ANKRD13A: variants seen among roughly 807,000 people sequenced by gnomAD.
The protein encoded by ANKRD13A is ankyrin repeat domain 13A, also known as ankyrin repeat domain-containing protein 13A.
A neutral mutation model predicts 81.3 loss-of-function variants in ANKRD13A; 48 were observed. The observed-to-expected ratio is 0.59, with a 90% CI of 0.47 to 0.75. ANKRD13A has a LOEUF of 0.75. Among genes scored for constraint, ANKRD13A ranks in the 30% least tolerant of loss-of-function variants. The pLI, the probability that ANKRD13A is intolerant of heterozygous loss-of-function variation, is 0.00. For synonymous variants in ANKRD13A, 230 were observed against 270.1 expected, an observed-to-expected ratio of 0.85 and a Z score of 1.45; for missense variants, 612 against 734.0, an observed-to-expected ratio of 0.83 and a Z score of 1.92.
rs1593212393 is a variant in ANKRD13A, at chr12:110,018,377, G to A, written c.433G>A (p.Val145Ile). 1 of 1,613,912 alleles carries A rather than the reference G, an allele frequency of 6.2e-7. No homozygotes were observed. Among genetic ancestry groups the A allele is most frequent in the African/African-American group, 1.3e-5 (1 of 74,884 alleles). The stretch of plus-strand genomic sequence containing the variant: ...GGTTTCTAGAATATGCCCAAATGAT[G>A]TCTGTCGCATCTGGAAAAGTGGTGC... The part of the protein sequence containing the change: ...PLVSRICPND[V>I]CRIWKSGAKL... Residue 145 changes from valine (V) to isoleucine (I), a missense_variant, in exon 5 of 15, where the codon GTC becomes ATC. Coordinates refer to ENST00000261739, the MANE Select transcript of ANKRD13A (RefSeq NM_033121.2). The surrounding 1 kb of genome is among the most constrained non-coding windows in gnomAD (Gnocchi z 4.4).
At chr12:110,014,789 C>T (rs1262023784) in intron 3 of ANKRD13A, among the ~76,000 whole-genome samples, 3 of 135,702 alleles carry the variant, frequency 2.2e-5, no homozygotes, top group African/African-American at 6.2e-5. Flanking sequence ...CATTTCTCTT[C>T]TTTTTTTTTT....
At chr12:110,029,746 G>C (rs1343467862) in intron 11 of ANKRD13A, 111 bp downstream of exon 11, 9 of 1,265,068 alleles carry the variant, frequency 7.1e-6, no homozygotes, top group Admixed American at 1.8e-5. Context: ...GGTCAAAGTA[G>C]CTTATAGACA....
intron 1 of ANKRD13A, among the ~76,000 whole-genome samples, chr12:110,007,032 C>G (rs1177509998): frequency 6.6e-6 from 1 of 152,214 alleles, no homozygotes; most frequent in Non-Finnish European, 1.5e-5. Flanking sequence ...TATTTCTGGA[C>G]TCTAAATTGT....
intron 1 of ANKRD13A, among the ~76,000 whole-genome samples, chr12:110,006,188 G>A (rs971120617): frequency 6.6e-6 from 1 of 152,108 alleles, no homozygotes; most frequent in African/African-American, 2.4e-5. Flanking sequence ...GGAATTGCTG[G>A]GTCATGTAGT....
intron 1 of ANKRD13A, among the ~76,000 whole-genome samples, chr12:110,010,378 T>C (rs6606679): frequency 0.73 from 110,645 of 152,212 alleles, 41,592 homozygotes; most frequent in African/African-American, 0.9. Context: ...ATAATGAGTT[T>C]GCTAATTATT....
At chr12:110,028,406 C>T (rs1891465124) in intron 9 of ANKRD13A, 106 bp from the exon 10 acceptor site, 8 of 1,362,262 alleles carry the variant, frequency 5.9e-6, no homozygotes, top group South Asian at 1.4e-5. Flanking sequence ...TAGAACTTCC[C>T]GGTCTTTAGC....
chr12:110,037,652 G>A lies in ANKRD13A; in HGVS notation c.*98G>A, dbSNP rs550121282. 7.2e-4 allele frequency: 910 copies of A among 1,268,496 alleles called. No homozygotes were observed. Among genetic ancestry groups the A allele is most frequent in the South Asian group, 1.1e-3 (74 of 68,928 alleles). The allele number at this position is 1,268,496 out of a possible 1,614,324, so 78.6% of individuals were successfully genotyped here. ...CTAGGGCTAAGGGCCTGCACCTTGC[G>A]TGCATGCAGCAGGCAACAACTGCCC... is the stretch of plus-strand genomic sequence containing the variant. On this transcript the variant is annotated 3_prime_UTR_variant, in exon 15 of 15. Coordinates refer to ENST00000261739, the MANE Select transcript of ANKRD13A (RefSeq NM_033121.2).
intron 1 of ANKRD13A, among the ~76,000 whole-genome samples, chr12:110,003,074 G>T (rs913167793): frequency 6.6e-6 from 1 of 152,162 alleles, no homozygotes; most frequent in Non-Finnish European, 1.5e-5. Context: ...GTCGTTGGCC[G>T]CTTAGCTAAA....
chr12:110,030,616 C>G (rs756852738), intron 11 of ANKRD13A, 29 bp from the exon 12 acceptor site: 1 of 1,374,374 alleles, frequency 7.3e-7, no homozygotes, highest in South Asian at 1.3e-5. Flanking sequence ...GTAAAGTTTA[C>G]TTATAAAAGT....
chr12:110,012,204 A>G (rs1322365680), intron 2 of ANKRD13A, 67 bp downstream of exon 2: 28 of 1,501,198 alleles, frequency 1.9e-5, no homozygotes, highest in Non-Finnish European at 2.3e-5. Flanking sequence ...TCTCTACAAA[A>G]AAATATGAAA....
intron 1 of ANKRD13A, among the ~76,000 whole-genome samples, chr12:110,006,308 T>G (rs115705265): frequency 2.7e-4 from 41 of 152,348 alleles, no homozygotes; most frequent in African/African-American, 9.6e-4. Flanking sequence ...CACATCCTTG[T>G]CAACACTTGG....
At position 110,025,962 on chromosome 12, in the gene ANKRD13A, CTCTT is replaced by C. The variant is rs761750219; in HGVS notation, c.883+141_883+144del. 948 of 648,304 alleles carry C rather than the reference CTCTT, an allele frequency of 1.5e-3. 2 individuals carry two copies. Among genetic ancestry groups the C allele is most frequent in the Admixed American group, 2.1e-3 (57 of 27,596 alleles). 40.2% of individuals were successfully genotyped at this position (648,304 alleles called of 1,614,324 possible). On this transcript the variant is annotated intron_variant, in intron 8 of 14. Coordinates refer to ENST00000261739, the MANE Select transcript of ANKRD13A (RefSeq NM_033121.2). ...TAACCCTAACTTCTTCTCTCTCTCT[CTCTT>C]TTTTTTTTTTTTTGAGGCAAAGTCT...
At chr12:110,010,965 C>T (rs1223299050) in intron 1 of ANKRD13A, among the ~76,000 whole-genome samples, 4 of 152,156 alleles carry the variant, frequency 2.6e-5, no homozygotes, top group Admixed American at 2.6e-4. Flanking sequence ...ACAGGCTGGG[C>T]ATGGTGGCTC....
chr12:110,033,059 T>C (rs924646128), intron 12 of ANKRD13A, among the ~76,000 whole-genome samples: 2 of 148,584 alleles, frequency 1.3e-5, no homozygotes, highest in African/African-American at 2.5e-5. Context: ...CTTTTTCTTT[T>C]TTTTTTTTTT....
chr12:110,027,503 G>C, intron 8 of ANKRD13A: 1 of 561,870 alleles, frequency 1.8e-6, no homozygotes, highest in South Asian at 2.1e-5. Context: ...TCTTACAACT[G>C]TTTATCTAGT....
chr12:110,036,386 C>G lies in ANKRD13A; in HGVS notation c.1577+58C>G. 4 of 1,531,126 alleles carry G rather than the reference C, an allele frequency of 2.6e-6. No individual in the cohort carries two copies. The highest frequency in any genetic ancestry group is 3.6e-6 in the Non-Finnish European group (4 of 1,105,140). The allele number at this position is 1,531,126 out of a possible 1,614,324, so 94.8% of individuals were successfully genotyped here. On this transcript the variant is annotated intron_variant, in intron 14 of 14. Coordinates refer to ENST00000261739, the MANE Select transcript of ANKRD13A (RefSeq NM_033121.2). This position sits in a 1 kb window ranked among gnomAD's most constrained non-coding sequence, Gnocchi z 4.6. ...GGGTGAACACAGGCCTGGACACAGG[C>G]GAGCAGACGCGTGGCACTGTGCATT...
intron 8 of ANKRD13A, 179 bp from the exon 9 acceptor site, chr12:110,027,526 A>G (rs911478057): frequency 8.1e-5 from 49 of 608,490 alleles, no homozygotes; most frequent in African/African-American, 8.0e-4. Flanking sequence ...AGAGATCCTC[A>G]TGAAAAGCAC....
At position 109,999,711 on chromosome 12, in the gene ANKRD13A, G is replaced by A; in HGVS notation, c.23G>A (p.Gly8Asp). The A allele has an allele frequency of 6.5e-7, 1 of 1,537,064 alleles. No individual in the cohort carries two copies. Among genetic ancestry groups the A allele is most frequent in the Non-Finnish European group, 8.8e-7 (1 of 1,140,398 alleles). Residue 8 changes from glycine (G) to aspartate (D), a missense_variant, in exon 1 of 15, where the codon GGC becomes GAC. Transcript: ENST00000261739. The surrounding 1 kb of genome is among the most constrained non-coding windows in gnomAD (Gnocchi z 4.3). MSSACDA[G>D]DHYPLHLLVW... Reference sequence around the variant, plus strand: ...GCCATGTCCTCGGCCTGCGACGCGGGCGACCACTACCCCCTGCACCTCCTA... The same window carrying A: ...GCCATGTCCTCGGCCTGCGACGCGGACGACCACTACCCCCTGCACCTCCTA...
chr12:110,009,131 G>C (rs1039631281), intron 1 of ANKRD13A, among the ~76,000 whole-genome samples: 5 of 151,824 alleles, frequency 3.3e-5, no homozygotes, highest in Non-Finnish European at 5.9e-5. Flanking sequence ...GCCCAGGCTG[G>C]AGTGCAATGG....
Sources: allele counts gnomAD v4.1 joint callset (sites outside exome capture counted in the v4.1 genomes callset), GRCh38; gene constraint gnomAD v4.1.1; non-coding constraint Gnocchi (gnomAD v3.1); transcripts MANE v1.5; gene names NCBI Gene and HGNC (gene_info 2026-07-23, HGNC 2026-07-21).